Variants in SP2 observed in about 807,000 individuals in gnomAD.
SP2 encodes the protein transcription factor Sp2.
A neutral mutation model predicts 50.1 loss-of-function variants in SP2; 9 were observed. The ratio of observed to expected loss-of-function variants is 0.18; its 90% CI spans 0.11 to 0.31. The LOEUF is 0.31. Ranked by LOEUF, SP2 falls within the 10% of genes least tolerant of loss-of-function variation. The probability of loss-of-function intolerance (pLI) is 1.00; values close to 1 mark genes in which losing one functional copy is unlikely to be tolerated. For synonymous variants in SP2, 313 were observed against 326.6 expected (o/e 0.96, Z 0.45); for missense variants, 581 against 806.5 (o/e 0.72, Z 3.39).
chr17:47,925,905 C>CTTTTTTT (rs71141942), intron 6 of SP2, among the ~76,000 whole-genome samples: 5 of 84,422 alleles, frequency 5.9e-5, no homozygotes, highest in African/African-American at 1.4e-4. Flanking sequence ...TTGTTTATGC[C>CTTTTTTT]TTTTTTTTTT....
intron 1 of SP2, among the ~76,000 whole-genome samples, chr17:47,911,424 A>G (rs1035082459): frequency 2.6e-5 from 4 of 151,520 alleles, no homozygotes; most frequent in Admixed American, 2.0e-4. Context: ...GGGTGCCTGT[A>G]ATCCCAGCTA....
At chr17:47,920,985 A>G (rs972311594) in intron 3 of SP2, among the ~76,000 whole-genome samples, 1 of 152,044 alleles carries the variant, frequency 6.6e-6, no homozygotes, top group Admixed American at 6.6e-5. Flanking sequence ...CTACTGGTCT[A>G]TTTGTAATGT....
intron 3 of SP2, among the ~76,000 whole-genome samples, chr17:47,922,185 C>T (rs192829544): frequency 3.2e-4 from 48 of 152,238 alleles, no homozygotes; most frequent in African/African-American, 1.2e-3. Context: ...GCCAGTCTCC[C>T]ACAGCCATTA....
chr17:47,916,764 C>T lies in SP2; in HGVS notation c.693C>T (p.Leu231=). ...NASDTGAPTQ[L]LTESPPTPLS... is the part of the protein sequence containing the mutation. ...GTGACACCGGGGCCCCTACTCAGCT[C>T]CTCACTGAAAGCCCCCCAACCCCGC... The change falls in exon 3 of 7, where the codon CTC becomes CTT. Residue 231 remains leucine, a synonymous_variant. Transcript: ENST00000376741. This position sits in a 1 kb window ranked among gnomAD's most constrained non-coding sequence, Gnocchi z 4.7. 2 of 1,613,536 alleles carry T rather than the reference C, an allele frequency of 1.2e-6. No homozygotes were observed. The highest frequency in any genetic ancestry group is 1.7e-6 in the Non-Finnish European group (2 of 1,179,570).
At position 47,916,026 on chromosome 17, in the gene SP2, T is replaced by C; in HGVS notation, c.85-130T>C. 1 of 1,089,038 alleles carries C rather than the reference T, an allele frequency of 9.2e-7. No individual in the cohort carries two copies. 67.5% of individuals were successfully genotyped at this position (1,089,038 alleles called of 1,614,324 possible). A position where few individuals can be genotyped will look rare whatever the true frequency, so the allele number is the denominator to read the frequency against. ...ACAGCAGCCAAGCAGGGGAGGGTAC[T>C]GGCAACATGCCTGCCCCGGAGGTGG... On this transcript the variant is annotated intron_variant, in intron 2 of 6. Coordinates refer to ENST00000376741, the MANE Select transcript of SP2 (RefSeq NM_003110.6). This position sits in a 1 kb window ranked among gnomAD's most constrained non-coding sequence, Gnocchi z 4.7.
intron 1 of SP2, among the ~76,000 whole-genome samples, chr17:47,903,991 A>G (rs71377324): frequency 0.34 from 50,601 of 147,268 alleles, 8,673 homozygotes; most frequent in East Asian, 0.52. Flanking sequence ...GGCCAGGTGC[A>G]GTGGCTCATG....
rs1204369748 is a variant in SP2, at chr17:47,916,738, A to G, written c.667A>G (p.Ser223Gly). Reference protein sequence around the residue: ...TLPVNNLVNASDTGAPTQLLT... With the variant: ...TLPVNNLVNAGDTGAPTQLLT... ...GCCCGTCAACAACCTTGTGAACGCC[A>G]GTGACACCGGGGCCCCTACTCAGCT... Residue 223 changes from serine (S) to glycine (G), a missense_variant, in exon 3 of 7, where the codon AGT (serine) becomes GGT (glycine). By Grantham distance (56) the Ser-to-Gly change is moderately conservative (BLOSUM62 0). Around this residue, in one of 2 missense-constraint regions of SP2, gnomAD observed 397 missense variants for 491.0 expected, o/e 0.81. Coordinates refer to ENST00000376741, the MANE Select transcript of SP2 (RefSeq NM_003110.6). The surrounding 1 kb of genome is among the most constrained non-coding windows in gnomAD (Gnocchi z 4.7). 1.2e-6 allele frequency: 2 copies of G among 1,613,086 alleles called. No homozygotes were observed. The highest frequency in any genetic ancestry group is 2.2e-5 in the East Asian group (1 of 44,852).
intron 6 of SP2, 27 bp from the exon 7 acceptor site, chr17:47,927,697 T>C (rs2144105411): frequency 6.7e-7 from 1 of 1,500,964 alleles, no homozygotes; most frequent in East Asian, 2.4e-5. Flanking sequence ...ACAGGGTCTG[T>C]GGGTGATGGG....
At chr17:47,909,112 A>G (rs2034879697) in intron 1 of SP2, among the ~76,000 whole-genome samples, 1 of 152,166 alleles carries the variant, frequency 6.6e-6, no homozygotes, top group South Asian at 2.1e-4. Flanking sequence ...GACCACAACC[A>G]TTGCTGCTGT....
chr17:47,908,962 G>A (rs16949318), intron 1 of SP2, among the ~76,000 whole-genome samples: 4,539 of 152,268 alleles, frequency 0.03, 83 homozygotes, highest in South Asian at 0.05. Flanking sequence ...TTCCAGAGAA[G>A]GGAGAACATA....
At chr17:47,922,941 T>C (rs1193747449) in intron 3 of SP2, 21 bp from the exon 4 acceptor site, 1 of 1,593,236 alleles carries the variant, frequency 6.3e-7, no homozygotes, top group South Asian at 1.1e-5. Context: ...GCACTGATTT[T>C]TTTTCTCTGG....
intron 6 of SP2, 138 bp from the exon 7 acceptor site, chr17:47,927,586 G>T: frequency 7.4e-6 from 4 of 537,730 alleles, no homozygotes; most frequent in East Asian, 3.1e-5. Context: ...GAGCAAATGT[G>T]AGAGCAGGAG....
intron 1 of SP2, among the ~76,000 whole-genome samples, chr17:47,911,696 T>C (rs1168328972): frequency 1.3e-5 from 2 of 151,652 alleles, no homozygotes; most frequent in East Asian, 3.9e-4. Context: ...GTCCCACTAC[T>C]TGGGAGGCTG....
chr17:47,921,681 C>T (rs1286311317), intron 3 of SP2, among the ~76,000 whole-genome samples: 1 of 152,234 alleles, frequency 6.6e-6, no homozygotes, highest in Non-Finnish European at 1.5e-5. Context: ...ATTCTGTAAG[C>T]ATTTCTTTAC....
At chr17:47,914,226 C>G (rs1051973255) in intron 1 of SP2, among the ~76,000 whole-genome samples, 1 of 152,134 alleles carries the variant, frequency 6.6e-6, no homozygotes. Flanking sequence ...CAAAAATTAG[C>G]TGGGCATGGT....
intron 3 of SP2, among the ~76,000 whole-genome samples, chr17:47,922,242 A>G (rs1003500744): frequency 1.3e-5 from 2 of 151,664 alleles, no homozygotes; most frequent in Non-Finnish European, 1.5e-5. Flanking sequence ...GCCATTCCCT[A>G]CCCACCACGG....
intron 1 of SP2, among the ~76,000 whole-genome samples, chr17:47,904,399 G>A (rs545213277): frequency 2.0e-4 from 31 of 152,236 alleles, no homozygotes; most frequent in East Asian, 1.5e-3. Context: ...AAAAGCTAGC[G>A]GGAGAGAAAT....
At chr17:47,930,554 G>A (rs901100941), downstream of SP2, among the ~76,000 whole-genome samples, 21 of 152,206 alleles carry the variant, frequency 1.4e-4, no homozygotes, top group Non-Finnish European at 2.4e-4. Flanking sequence ...GCGAGAGAAT[G>A]TATTCTGCCT....
In SP2 at chr17:47,909,714, G is replaced by A. The variant is rs1273852923; in HGVS notation, c.8-5598G>A. 3 of 983,602 alleles carry A rather than the reference G, an allele frequency of 3.1e-6. No homozygotes were observed. The African/African-American group carries it at 5.2e-5, about 17-fold the overall frequency. 60.9% of individuals were successfully genotyped at this position (983,602 alleles called of 1,614,324 possible). A position where few individuals can be genotyped will look rare whatever the true frequency, so the allele number is the denominator to read the frequency against. On this transcript the variant is annotated intron_variant, in intron 1 of 6. Coordinates refer to ENST00000376741, the MANE Select transcript of SP2 (RefSeq NM_003110.6). ...GACCATCCCACTAATGAACCACACA[G>A]TCAGAATCTCATTTAGGTATGGAGC...
Sources: allele counts gnomAD v4.1 joint callset (sites outside exome capture counted in the v4.1 genomes callset), GRCh38; gene constraint gnomAD v4.1.1; regional missense constraint gnomAD v4.1.1; non-coding constraint Gnocchi (gnomAD v3.1); transcripts MANE v1.5; gene names NCBI Gene and HGNC (gene_info 2026-07-23, HGNC 2026-07-21).